Variants in SULF1 observed in about 807,000 individuals in gnomAD.
The protein encoded by SULF1 is sulfatase 1, also known as extracellular sulfatase Sulf-1.
In SULF1, 46 loss-of-function variants were observed where a neutral mutation model predicts 110.5. That is an observed-to-expected ratio of 0.42 (90% CI 0.33 to 0.53). The LOEUF is 0.53. Ranked by LOEUF, SULF1 falls within the 20% of genes least tolerant of loss-of-function variation. The probability of loss-of-function intolerance (pLI) is 0.12; values close to 1 mark genes in which losing one functional copy is unlikely to be tolerated. For synonymous variants in SULF1, 371 were observed against 387.1 expected (o/e 0.96, Z 0.49); for missense variants, 941 against 1,094.2 (o/e 0.86, Z 1.98).
intron 22 of SULF1, among the ~76,000 whole-genome samples, chr8:69,654,437 T>C (rs1438596564): frequency 6.6e-6 from 1 of 152,246 alleles, no homozygotes; most frequent in Non-Finnish European, 1.5e-5. Context: ...ATGAACTGTT[T>C]TTAACCACCA....
intron 3 of SULF1, among the ~76,000 whole-genome samples, chr8:69,528,420 C>G (rs1374563544): frequency 6.6e-6 from 1 of 152,104 alleles, no homozygotes; most frequent in East Asian, 1.9e-4. Context: ...TCCAATCTCT[C>G]TCATATGGAA....
rs557772247 is a variant in SULF1, at chr8:69,643,634, A to C, written c.2585+2793A>C. On this transcript the variant is annotated intron_variant, in intron 22 of 22. Transcript: ENST00000402687. ...CAGACTTATTTAGAGGGTTTTCATAAAGCAAGTTTTTTTCTGTTGCTGCTC... is the reference window on the plus strand; with the variant it reads ...CAGACTTATTTAGAGGGTTTTCATACAGCAAGTTTTTTTCTGTTGCTGCTC... 6.6e-5 allele frequency among the ~76,000 whole-genome samples: 10 copies of C among 152,220 alleles called. No homozygotes were observed. The South Asian group carries it at 2.1e-3, about 32-fold the overall frequency.
At chr8:69,480,082 A>G (rs551997091) in intron 1 of SULF1, among the ~76,000 whole-genome samples, 109 of 152,028 alleles carry the variant, frequency 7.2e-4, no homozygotes, top group Non-Finnish European at 1.3e-3. Context: ...GTTGCTATGG[A>G]TGATCTGTGC....
At chr8:69,481,752 T>A (rs1809530906) in intron 1 of SULF1, among the ~76,000 whole-genome samples, 1 of 152,214 alleles carries the variant, frequency 6.6e-6, no homozygotes, top group African/African-American at 2.4e-5. Context: ...TTGCTAAGGA[T>A]AATGGCCTCC....
intron 19 of SULF1, among the ~76,000 whole-genome samples, chr8:69,634,638 G>C (rs767223492): frequency 1.3e-5 from 2 of 152,038 alleles, no homozygotes; most frequent in Non-Finnish European, 2.9e-5. Context: ...GGGCTTGCCT[G>C]TAGTCCCAGC....
At chr8:69,621,482 C>G (rs1182432315) in intron 14 of SULF1, among the ~76,000 whole-genome samples, 1 of 152,172 alleles carries the variant, frequency 6.6e-6, no homozygotes, top group East Asian at 1.9e-4. Flanking sequence ...CATAAAAGCA[C>G]CAGATGCAAA....
At chr8:69,615,739 T>C (rs554141258) in intron 13 of SULF1, among the ~76,000 whole-genome samples, 1 of 152,250 alleles carries the variant, frequency 6.6e-6, no homozygotes, top group East Asian at 1.9e-4. Context: ...GGAAACACCT[T>C]TTCCCTTCAT....
At chr8:69,569,926 C>T (rs1446202920) in intron 5 of SULF1, among the ~76,000 whole-genome samples, 1 of 150,494 alleles carries the variant, frequency 6.6e-6, no homozygotes. Flanking sequence ...AAAAAAATAC[C>T]ATTTAATTTT....
At chr8:69,624,351 CA>C (rs1205981097) in intron 15 of SULF1, among the ~76,000 whole-genome samples, 154 bp downstream of exon 15, 1 of 152,204 alleles carries the variant, frequency 6.6e-6, no homozygotes, top group Non-Finnish European at 1.5e-5. Flanking sequence ...GTTAAAGAAA[CA>C]ATGAGTCCAC....
intron 1 of SULF1, chr8:69,473,201 T>G (rs1407234120): frequency 6.6e-6 from 1 of 152,194 alleles, no homozygotes; most frequent in Non-Finnish European, 1.5e-5. Context: ...AGGTTAAATT[T>G]TTCTTTTGCT....
At chr8:69,563,831 T>C in intron 4 of SULF1, 85 bp from the exon 5 acceptor site, 1 of 765,940 alleles carries the variant, frequency 1.3e-6, no homozygotes, top group Non-Finnish European at 2.1e-6. Context: ...AATACTGACT[T>C]ATTTGTAGCC....
chr8:69,576,796 G>A (rs572756979), intron 6 of SULF1, among the ~76,000 whole-genome samples: 149 of 152,320 alleles, frequency 9.8e-4, no homozygotes, highest in African/African-American at 3.2e-3. Flanking sequence ...AACGTTGTTC[G>A]TAGAAGGGCT....
At position 69,601,771 on chromosome 8, in the gene SULF1, G is replaced by A; in HGVS notation, c.1003G>A (p.Asp335Asn). 1 of 1,612,602 alleles carries A rather than the reference G, an allele frequency of 6.2e-7. No homozygotes were observed. The highest frequency in any genetic ancestry group is 8.5e-7 in the Non-Finnish European group (1 of 1,179,470). ...GLVKGKSMPY[D>N]FDIRVPFFIR... ...GGTCAAGGGGAAATCCATGCCATAT[G>A]ACTTTGATATTCGTGTGCCTTTTTT... is the stretch of plus-strand genomic sequence containing the variant. Residue 335 changes from aspartate to asparagine, a missense_variant, in exon 10 of 23, where the codon GAC becomes AAC. Around this residue, in one of 3 missense-constraint regions of SULF1, gnomAD observed 822 missense variants for 934.3 expected, o/e 0.88. Coordinates refer to ENST00000402687, the MANE Select transcript of SULF1 (RefSeq NM_001128205.2).
intron 15 of SULF1, among the ~76,000 whole-genome samples, chr8:69,625,776 T>C (rs570482273): frequency 2.0e-5 from 3 of 152,212 alleles, no homozygotes; most frequent in East Asian, 3.9e-4. Context: ...GCTTCCACAG[T>C]GTGGAAGGGG....
chr8:69,511,447 A>G (rs914310604), intron 3 of SULF1, among the ~76,000 whole-genome samples: 3 of 152,196 alleles, frequency 2.0e-5, no homozygotes, highest in Admixed American at 1.3e-4. Flanking sequence ...CTGGCTGGAT[A>G]TTTTTACTCT....
chr8:69,518,514 A>G (rs777811397), intron 3 of SULF1, among the ~76,000 whole-genome samples: 20 of 152,142 alleles, frequency 1.3e-4, no homozygotes, highest in Admixed American at 6.6e-5. Context: ...TTTATAGAAT[A>G]TTGGGTTTTG....
At chr8:69,474,536 G>A (rs1239871263) in intron 1 of SULF1, among the ~76,000 whole-genome samples, 1 of 152,098 alleles carries the variant, frequency 6.6e-6, no homozygotes, top group African/African-American at 2.4e-5. Context: ...CAAAAGACAG[G>A]CCCCCTACAA....
chr8:69,519,770 C>T (rs563194373), intron 3 of SULF1, among the ~76,000 whole-genome samples: 5 of 152,216 alleles, frequency 3.3e-5, no homozygotes, highest in East Asian at 3.9e-4. Flanking sequence ...TAAAGGACTA[C>T]GGTGGCTTTT....
At chr8:69,599,020 T>C (rs748698592) in intron 8 of SULF1, among the ~76,000 whole-genome samples, 30 of 152,282 alleles carry the variant, frequency 2.0e-4, no homozygotes, top group Non-Finnish European at 4.1e-4. Context: ...GAAAATATAA[T>C]AGCAGGTGGC....
Sources: allele counts gnomAD v4.1 joint callset (sites outside exome capture counted in the v4.1 genomes callset), GRCh38; gene constraint gnomAD v4.1.1; regional missense constraint gnomAD v4.1.1; transcripts MANE v1.5; gene names NCBI Gene and HGNC (gene_info 2026-07-23, HGNC 2026-07-21).